ICA1L: variants seen among roughly 807,000 people sequenced by gnomAD.
ICA1L encodes the protein islet cell autoantigen 1-like protein.
In ICA1L, 50 loss-of-function variants were observed where a neutral mutation model predicts 61.3. The ratio of observed to expected loss-of-function variants is 0.82; its 90% CI spans 0.65 to 1.03. ICA1L has a LOEUF of 1.03. Among genes scored for constraint, ICA1L ranks in the 50% least tolerant of loss-of-function variants. The pLI is 0.00. For synonymous variants in ICA1L, 161 were observed against 191.3 expected (o/e 0.84, Z 1.31); for missense variants, 508 against 556.7 (o/e 0.91, Z 0.88).
chr2:202,793,001 ATTAAT>A (rs1692802100), intron 10 of ICA1L, among the ~76,000 whole-genome samples: 1 of 152,186 alleles, frequency 6.6e-6, no homozygotes, highest in South Asian at 2.1e-4. Flanking sequence ...TGAATCAGAG[ATTAAT>A]TTAAAACAAG....
intron 1 of ICA1L, among the ~76,000 whole-genome samples, chr2:202,846,183 A>C (rs1388741357): frequency 6.6e-6 from 1 of 152,100 alleles, no homozygotes; most frequent in East Asian, 1.9e-4. Context: ...TATTTGAATA[A>C]CTATTATTAT....
At chr2:202,858,175 G>A (rs1407213819) in intron 1 of ICA1L, among the ~76,000 whole-genome samples, 2 of 152,116 alleles carry the variant, frequency 1.3e-5, no homozygotes, top group African/African-American at 2.4e-5. Context: ...GCACACATAC[G>A]TTTATTGTAG....
chr2:202,853,756 G>T (rs1694696117), intron 1 of ICA1L, among the ~76,000 whole-genome samples: 1 of 151,892 alleles, frequency 6.6e-6, no homozygotes, highest in South Asian at 2.1e-4. Flanking sequence ...TGAAAGAAAA[G>T]AATTTTCAAC....
chr2:202,842,396 C>T (rs1694358521), intron 1 of ICA1L, among the ~76,000 whole-genome samples: 1 of 152,182 alleles, frequency 6.6e-6, no homozygotes, highest in Admixed American at 6.5e-5. Context: ...TTATCTCCAT[C>T]ATTTCTGGAG....
intron 3 of ICA1L, among the ~76,000 whole-genome samples, chr2:202,822,556 A>C (rs1360339780): frequency 2.6e-5 from 4 of 152,226 alleles, no homozygotes; most frequent in Non-Finnish European, 5.9e-5. Context: ...CCTTCACCAC[A>C]ATTTAAGAAA....
At chr2:202,807,202 A>G (rs1693251481) in intron 9 of ICA1L, among the ~76,000 whole-genome samples, 1 of 152,262 alleles carries the variant, frequency 6.6e-6, no homozygotes, top group African/African-American at 2.4e-5. Context: ...TATCACTGAA[A>G]GAGGCACTGA....
At position 202,774,221 on chromosome 2, in the gene ICA1L, C is replaced by A. The variant is rs1692142519; in HGVS notation, c.*5312G>T. On this transcript the variant is annotated 3_prime_UTR_variant, in exon 13 of 13. Transcript: ENST00000358299. ...CTCCAGCAGCGCCGGATCGAAGGCG[C>A]GGGGCGGCTCCTGAGTCTTCTCGCT... The A allele has an allele frequency of 2.6e-6, 4 of 1,550,186 alleles. No individual in the cohort carries two copies. The highest frequency in any genetic ancestry group is 1.2e-5 in the South Asian group (1 of 84,014).
intron 1 of ICA1L, chr2:202,860,327 AG>A (rs1349208340): frequency 2.1e-5 from 3 of 146,092 alleles, no homozygotes; most frequent in Non-Finnish European, 3.1e-5. Flanking sequence ...AAAATAGAAA[AG>A]GAACACCAAT....
chr2:202,783,567 A>T (rs79166302), intron 12 of ICA1L, among the ~76,000 whole-genome samples: 5,952 of 152,336 alleles, frequency 0.039, 371 homozygotes, highest in African/African-American at 0.13. Flanking sequence ...CAAAAATGTC[A>T]AGGTCATGAG....
At chr2:202,826,315 C>T (rs980614007) in intron 2 of ICA1L, among the ~76,000 whole-genome samples, 1 of 151,902 alleles carries the variant, frequency 6.6e-6, no homozygotes, top group Non-Finnish European at 1.5e-5. Context: ...TAATTGCTAA[C>T]AGAAAAGAAA....
intron 1 of ICA1L, among the ~76,000 whole-genome samples, chr2:202,864,792 G>C (rs1687441085): frequency 6.6e-6 from 1 of 152,086 alleles, no homozygotes; most frequent in South Asian, 2.1e-4. Context: ...GCTGATGTGG[G>C]TGGATCACCT....
At chr2:202,817,363 G>T (rs1452340719) in intron 6 of ICA1L, 55 bp downstream of exon 6, 24 of 1,461,046 alleles carry the variant, frequency 1.6e-5, no homozygotes, top group African/African-American at 2.9e-5. Context: ...CTTTTAAAAA[G>T]AAATCTCACC....
intron 3 of ICA1L, among the ~76,000 whole-genome samples, chr2:202,822,221 G>A (rs1378741313): frequency 6.6e-6 from 1 of 152,126 alleles, no homozygotes; most frequent in African/African-American, 2.4e-5. Context: ...GAGTGCAGTG[G>A]CTTGATCATA....
chr2:202,803,400 C>CAA (rs71030990), intron 9 of ICA1L, among the ~76,000 whole-genome samples: 765 of 56,764 alleles, frequency 0.013, 1 homozygote, highest in Non-Finnish European at 0.015. Flanking sequence ...GACTCGATCT[C>CAA]AAAAAAAAAA....
At chr2:202,827,297 G>A (rs937617315) in intron 2 of ICA1L, among the ~76,000 whole-genome samples, 1 of 152,098 alleles carries the variant, frequency 6.6e-6, no homozygotes, top group African/African-American at 2.4e-5. Flanking sequence ...AGAAGCTGAG[G>A]CAGGAGAATC....
chr2:202,797,132 TTGTGTGTGTGTGTGTGTG>T (rs58006631), intron 9 of ICA1L, among the ~76,000 whole-genome samples, 168 bp from the exon 10 acceptor site: 2 of 147,822 alleles, frequency 1.4e-5, no homozygotes, highest in South Asian at 2.2e-4. Flanking sequence ...AAAATCACAT[TTGTGTGTGTGTGTGTGTG>T]TGTGTGTGTG....
At position 202,849,789 on chromosome 2, in the gene ICA1L, G is replaced by T. The variant is rs1465220447; in HGVS notation, c.-7-20773C>A. ...GGAGGATTCTCCCAGCACAGCAATTGAGCTCTGCTAGGGGACAGACAGCCT... is the reference window on the plus strand; with the variant it reads ...GGAGGATTCTCCCAGCACAGCAATTTAGCTCTGCTAGGGGACAGACAGCCT... On this transcript the variant is annotated intron_variant, in intron 1 of 12. Coordinates refer to ENST00000358299, the MANE Select transcript of ICA1L (RefSeq NM_001288622.3). This position sits in a 1 kb window ranked among gnomAD's most constrained non-coding sequence, Gnocchi z 4.5. 6.6e-6 allele frequency among the ~76,000 whole-genome samples: 1 copy of T among 152,208 alleles called. No individual in the cohort carries two copies. The highest frequency in any genetic ancestry group is 2.4e-5 in the African/African-American group (1 of 41,462).
Position 202,868,176 on chromosome 2 carries a change from G to GA in ICA1L, c.-8+3442dup, listed in dbSNP as rs112351599. ...GGTTTGTTTAGCCAAAGTAAAAAAA[G>GA]AAAAAAAAAGGCTAATTGTATATTA... On this transcript the variant is annotated intron_variant, in intron 1 of 12. Transcript: ENST00000358299. 3.5e-4 allele frequency among the ~76,000 whole-genome samples: 51 copies of GA among 147,692 alleles called. No individual in the cohort carries two copies. In the South Asian group the frequency reaches 4.5e-3, roughly 13 times the overall value.
chr2:202,851,714 C>G (rs969147894), intron 1 of ICA1L, among the ~76,000 whole-genome samples: 5 of 152,120 alleles, frequency 3.3e-5, no homozygotes, highest in African/African-American at 7.2e-5. Flanking sequence ...TAACTGGTGT[C>G]AGATGGTATC....
Sources: allele counts gnomAD v4.1 joint callset (sites outside exome capture counted in the v4.1 genomes callset), GRCh38; gene constraint gnomAD v4.1.1; non-coding constraint Gnocchi (gnomAD v3.1); transcripts MANE v1.5; gene names NCBI Gene and HGNC (gene_info 2026-07-23, HGNC 2026-07-21).